Variants in NAT8L observed in about 807,000 individuals in gnomAD.
NAT8L encodes N-acetylaspartate synthetase.
Under a neutral mutation model 21.2 loss-of-function variants are expected in NAT8L, and 6 were observed. The observed-to-expected ratio is 0.28, with a 90% CI of 0.16 to 0.56. The LOEUF (loss-of-function observed/expected upper bound fraction) is 0.56. Ranked by LOEUF, NAT8L falls within the 20% of genes least tolerant of loss-of-function variation. NAT8L has a pLI of 0.93. For synonymous variants in NAT8L, 239 were observed against 204.9 expected, an observed-to-expected ratio of 1.17 and a Z score of -1.42; for missense variants, 331 against 433.3, an observed-to-expected ratio of 0.76 and a Z score of 2.10.
chr4:2,067,539 C>A lies in NAT8L; in HGVS notation c.*3412C>A, dbSNP rs1274472367. The A allele has an allele frequency of 1.3e-5, 2 of 152,340 alleles. No homozygotes were observed. 9.4% of individuals were successfully genotyped at this position (152,340 alleles called of 1,614,324 possible). A position where few individuals can be genotyped will look rare whatever the true frequency, so the allele number is the denominator to read the frequency against. ...GCAGGTGCTGGGGAAGCTCTCTGGG[C>A]CATAGGGACCTGGCTCCCCTCTGAG... On this transcript the variant is annotated 3_prime_UTR_variant, in exon 3 of 3. Coordinates refer to ENST00000423729, the MANE Select transcript of NAT8L (RefSeq NM_178557.4).
In NAT8L at chr4:2,064,188, CCGCCCGG is replaced by C. The variant is rs2108681094; in HGVS notation, c.*65_*71del. On this transcript the variant is annotated 3_prime_UTR_variant, in exon 3 of 3. Transcript: ENST00000423729. ...CTGTCCGCCTTTGCCCGCCTGCCCG[CCGCCCGG>C]CGCGGCCTGCTTTCAGACGCTCAAT... is the stretch of plus-strand genomic sequence containing the variant. 9 of 1,140,528 alleles carry C rather than the reference CCGCCCGG, an allele frequency of 7.9e-6. 1 individual carries two copies. The highest frequency in any genetic ancestry group is 4.8e-5 in the Admixed American group (1 of 20,692). The allele number at this position is 1,140,528 out of a possible 1,614,324, so 70.7% of individuals were successfully genotyped here.
Position 2,064,237 on chromosome 4 carries a change from T to A in NAT8L, c.*110T>A. ...ACGCTCAATTGGCGTTTGTGTTGGG[T>A]TTCCCCTTTTCAACATCCTGCGGTT... On this transcript the variant is annotated 3_prime_UTR_variant, in exon 3 of 3. Transcript: ENST00000423729. 1.3e-6 allele frequency: 1 copy of A among 751,132 alleles called. No individual in the cohort carries two copies. Among genetic ancestry groups the A allele is most frequent in the Non-Finnish European group, 1.7e-6 (1 of 577,566 alleles). The allele number at this position is 751,132 out of a possible 1,614,324, so 46.5% of individuals were successfully genotyped here.
chr4:2,061,467 G>C (rs1459568812), intron 2 of NAT8L, among the ~76,000 whole-genome samples: 3 of 152,240 alleles, frequency 2.0e-5, no homozygotes, highest in Non-Finnish European at 4.4e-5. Flanking sequence ...GGGCTCTGTG[G>C]GTCCCATCTG....
Position 2,065,946 on chromosome 4 carries a change from T to TTTGGG in NAT8L, c.*1822_*1826dup, listed in dbSNP as rs1729989660. 1 of 152,598 alleles carries TTTGGG rather than the reference T, an allele frequency of 6.6e-6. No homozygotes were observed. The highest frequency in any genetic ancestry group is 6.6e-5 in the Admixed American group (1 of 15,266). 9.5% of individuals were successfully genotyped at this position (152,598 alleles called of 1,614,324 possible). On this transcript the variant is annotated 3_prime_UTR_variant, in exon 3 of 3. Transcript: ENST00000423729. ...GTGCCTTTTTCCTCTTTTGGTTTGG[T>TTTGGG]TTGGGTTTGGCCTGGGGCTGGTCCC...
rs146628504 is a variant in NAT8L at position 2,063,782 on chromosome 4, G to A, written c.564G>A (p.Val188=). ...CAGGCTCCTGCTTCTGGGTGGCCGTGCTGGATGGCAACGTGGTGGGCATTG... is the reference window on the plus strand; with the variant it reads ...CAGGCTCCTGCTTCTGGGTGGCCGTACTGGATGGCAACGTGGTGGGCATTG... ...KPPGSCFWVA[V]LDGNVVGIVA... is the part of the protein sequence containing the mutation. Residue 188 remains valine (V), a synonymous_variant, in exon 3 of 3, where the codon GTG becomes GTA. Coordinates refer to ENST00000423729, the MANE Select transcript of NAT8L (RefSeq NM_178557.4). 1.4e-5 allele frequency: 23 copies of A among 1,611,866 alleles called. No homozygotes were observed. The highest frequency in any genetic ancestry group is 1.7e-5 in the Non-Finnish European group (20 of 1,179,946).
chr4:2,063,838 C>A lies in NAT8L; in HGVS notation c.620C>A (p.Thr207Lys), dbSNP rs747722804. 1 of 1,612,386 alleles carries A rather than the reference C, an allele frequency of 6.2e-7. No homozygotes were observed. Among genetic ancestry groups the A allele is most frequent in the Non-Finnish European group, 8.5e-7 (1 of 1,179,958 alleles). Residue 207 changes from threonine to lysine, a missense_variant, in exon 3 of 3, where the codon ACG (threonine) becomes AAG (lysine). Coordinates refer to ENST00000423729, the MANE Select transcript of NAT8L (RefSeq NM_178557.4). Reference sequence around the variant, plus strand: ...GCACGGGCCCACGAGGAGGACAACACGGTGGAGCTGCTGCGGATGTCTGTG... The same window carrying A: ...GCACGGGCCCACGAGGAGGACAACAAGGTGGAGCTGCTGCGGATGTCTGTG... ...VAARAHEEDN[T>K]VELLRMSVDS...
chr4:2,062,133 C>T (rs1380706572), intron 2 of NAT8L, among the ~76,000 whole-genome samples: 1 of 152,198 alleles, frequency 6.6e-6, no homozygotes, highest in African/African-American at 2.4e-5. Flanking sequence ...GGGCATGGCC[C>T]TGCTCCCTCT....
Position 2,059,941 on chromosome 4 carries a change from C to T in NAT8L, c.376+54C>T. Reference sequence around the variant, plus strand: ...AGTCCCTCGGGCCGGCGCGGAGCTCCCCCGCCCCGGCGTCCACGCGGACCC... The same window carrying T: ...AGTCCCTCGGGCCGGCGCGGAGCTCTCCCGCCCCGGCGTCCACGCGGACCC... On this transcript the variant is annotated intron_variant, in intron 1 of 2. Transcript: ENST00000423729. This position sits in a 1 kb window ranked among gnomAD's most constrained non-coding sequence, Gnocchi z 4.8. 1 of 1,054,708 alleles carries T rather than the reference C, an allele frequency of 9.5e-7. No homozygotes were observed. The highest frequency in any genetic ancestry group is 1.2e-6 in the Non-Finnish European group (1 of 852,646). The allele number at this position is 1,054,708 out of a possible 1,614,324, so 65.3% of individuals were successfully genotyped here.
chr4:2,068,873 G>A lies in NAT8L; in HGVS notation c.*4746G>A, dbSNP rs1730062813. On this transcript the variant is annotated 3_prime_UTR_variant, in exon 3 of 3. Transcript: ENST00000423729. ...GAGGCCAGGCTTGGGGAGCACAGGGGGTGGGGTTCACCTGCTGCTGTTTGT... is the reference window on the plus strand; with the variant it reads ...GAGGCCAGGCTTGGGGAGCACAGGGAGTGGGGTTCACCTGCTGCTGTTTGT... 6.6e-6 allele frequency: 1 copy of A among 152,350 alleles called. No homozygotes were observed. Among genetic ancestry groups the A allele is most frequent in the African/African-American group, 2.4e-5 (1 of 41,416 alleles). 9.4% of individuals were successfully genotyped at this position (152,350 alleles called of 1,614,324 possible).
chr4:2,059,946 C>T lies in NAT8L; in HGVS notation c.376+59C>T, dbSNP rs1340070324. ...CTCGGGCCGGCGCGGAGCTCCCCCG[C>T]CCCGGCGTCCACGCGGACCCCGCGC... On this transcript the variant is annotated intron_variant, in intron 1 of 2. Coordinates refer to ENST00000423729, the MANE Select transcript of NAT8L (RefSeq NM_178557.4). This position sits in a 1 kb window ranked among gnomAD's most constrained non-coding sequence, Gnocchi z 4.8. 4 of 1,023,674 alleles carry T rather than the reference C, an allele frequency of 3.9e-6. No individual in the cohort carries two copies. Among genetic ancestry groups the T allele is most frequent in the East Asian group, 9.2e-5 (2 of 21,846 alleles). 63.4% of individuals were successfully genotyped at this position (1,023,674 alleles called of 1,614,324 possible).
chr4:2,059,698 C>A lies in NAT8L; in HGVS notation c.187C>A (p.Pro63Thr). 3 of 1,076,584 alleles carry A rather than the reference C, an allele frequency of 2.8e-6. No homozygotes were observed. Among genetic ancestry groups the A allele is most frequent in the Non-Finnish European group, 3.4e-6 (3 of 892,168 alleles). 66.7% of individuals were successfully genotyped at this position (1,076,584 alleles called of 1,614,324 possible). A position where few individuals can be genotyped will look rare whatever the true frequency, so the allele number is the denominator to read the frequency against. Residue 63 changes from proline (P) to threonine (T), a missense_variant, in exon 1 of 3, where the codon CCT (proline) becomes ACT (threonine). Around this residue, in one of 2 missense-constraint regions of NAT8L, gnomAD observed 199 missense variants for 196.1 expected, o/e 1.01. Transcript: ENST00000423729. This position sits in a 1 kb window ranked among gnomAD's most constrained non-coding sequence, Gnocchi z 4.8. ...GCCCCCACCTGCCCCGGTGGCTCAGCCTCACGGCGGGGCGGGGGGCGCGGG... is the reference window on the plus strand; with the variant it reads ...GCCCCCACCTGCCCCGGTGGCTCAGACTCACGGCGGGGCGGGGGGCGCGGG... ...PAPPPAPVAQ[P>T]HGGAGGAGPP... is the part of the protein sequence containing the mutation.
In NAT8L at chr4:2,060,035, C is replaced by A. The variant is rs1229555583; in HGVS notation, c.376+148C>A. On this transcript the variant is annotated intron_variant, in intron 1 of 2. Transcript: ENST00000423729. The surrounding 1 kb of genome is among the most constrained non-coding windows in gnomAD (Gnocchi z 4.7). ...CTGCCGCGCCGGGCCCCGCGCAGGG[C>A]TGGCTATGGGCGTGGGGATGGGCGC... 2 of 379,106 alleles carry A rather than the reference C, an allele frequency of 5.3e-6. No individual in the cohort carries two copies. The highest frequency in any genetic ancestry group is 8.0e-6 in the Non-Finnish European group (2 of 251,338). 23.5% of individuals were successfully genotyped at this position (379,106 alleles called of 1,614,324 possible).
Position 2,060,935 on chromosome 4 carries a change from G to A in NAT8L, c.377-63G>A. On this transcript the variant is annotated intron_variant, in intron 1 of 2. Coordinates refer to ENST00000423729, the MANE Select transcript of NAT8L (RefSeq NM_178557.4). This position sits in a 1 kb window ranked among gnomAD's most constrained non-coding sequence, Gnocchi z 4.7. ...GCGGCGTCCCTAGCGGGCTTCGCCG[G>A]GGTGGCGTCTCTGGGGCCTGGGGAC... is the stretch of plus-strand genomic sequence containing the variant. 3.2e-6 allele frequency: 3 copies of A among 925,858 alleles called. No homozygotes were observed. Among genetic ancestry groups the A allele is most frequent in the Non-Finnish European group, 1.6e-6 (1 of 639,782 alleles). The allele number at this position is 925,858 out of a possible 1,614,324, so 57.4% of individuals were successfully genotyped here. A position where few individuals can be genotyped will look rare whatever the true frequency, so the allele number is the denominator to read the frequency against.
Position 2,059,834 on chromosome 4 carries a change from T to C in NAT8L, c.323T>C (p.Phe108Ser). The C allele has an allele frequency of 7.2e-7, 1 of 1,388,222 alleles. No homozygotes were observed. Among genetic ancestry groups the C allele is most frequent in the Non-Finnish European group, 9.4e-7 (1 of 1,061,170 alleles). 86.0% of individuals were successfully genotyped at this position (1,388,222 alleles called of 1,614,324 possible). ...ATGGAGCGCATCCCTAACACGGCCTTCCGCGGCCTGCGGCAGCACCCGCGC... is the reference window on the plus strand; with the variant it reads ...ATGGAGCGCATCCCTAACACGGCCTCCCGCGGCCTGCGGCAGCACCCGCGC... ...GIMERIPNTA[F>S]RGLRQHPRAQ... Residue 108 changes from phenylalanine (F) to serine (S), a missense_variant, in exon 1 of 3, where the codon TTC (phenylalanine) becomes TCC (serine). Transcript: ENST00000423729. This position sits in a 1 kb window ranked among gnomAD's most constrained non-coding sequence, Gnocchi z 4.8.
chr4:2,063,821 C>A lies in NAT8L; in HGVS notation c.603C>A (p.Ala201=). The A allele has an allele frequency of 6.2e-7, 1 of 1,612,372 alleles. No individual in the cohort carries two copies. Among genetic ancestry groups the A allele is most frequent in the Non-Finnish European group, 8.5e-7 (1 of 1,179,964 alleles). ...TGGTGGGCATTGTGGCTGCACGGGC[C>A]CACGAGGAGGACAACACGGTGGAGC... The part of the protein sequence containing the change: ...GNVVGIVAAR[A]HEEDNTVELL... Residue 201 remains alanine (A), a synonymous_variant, in exon 3 of 3, where the codon GCC becomes GCA. Transcript: ENST00000423729.
rs1028284761 is a variant in NAT8L at position 2,059,902 on chromosome 4, C to A, written c.376+15C>A. The A allele has an allele frequency of 2.5e-4, 311 of 1,258,056 alleles. 1 individual carries two copies. In the African/African-American group the frequency reaches 4.6e-3, roughly 18 times the overall value. 77.9% of individuals were successfully genotyped at this position (1,258,056 alleles called of 1,614,324 possible). ...CCTGCTGGCGGGTCAGTGCGCCGGGCCCCCGGCTGCCGCAGTCCCTCGGGC... is the reference window on the plus strand; with the variant it reads ...CCTGCTGGCGGGTCAGTGCGCCGGGACCCCGGCTGCCGCAGTCCCTCGGGC... On this transcript the variant is annotated intron_variant, in intron 1 of 2. Coordinates refer to ENST00000423729, the MANE Select transcript of NAT8L (RefSeq NM_178557.4). This position sits in a 1 kb window ranked among gnomAD's most constrained non-coding sequence, Gnocchi z 4.8.
rs1291022371 is a variant in NAT8L at position 2,068,789 on chromosome 4, GC to G, written c.*4666del. On this transcript the variant is annotated 3_prime_UTR_variant, in exon 3 of 3. Coordinates refer to ENST00000423729, the MANE Select transcript of NAT8L (RefSeq NM_178557.4). ...GGGCTGAGCCTCCCTGGCCCCTCTT[GC>G]CCCTCAGTGGAGCAGGGCCTGGGTG... 6.6e-6 allele frequency: 1 copy of G among 152,180 alleles called. No homozygotes were observed. Among genetic ancestry groups the G allele is most frequent in the African/African-American group, 2.4e-5 (1 of 41,428 alleles). The allele number at this position is 152,180 out of a possible 1,614,324, so 9.4% of individuals were successfully genotyped here. A position where few individuals can be genotyped will look rare whatever the true frequency, so the allele number is the denominator to read the frequency against.
chr4:2,063,490 G>A (rs1172320736), intron 2 of NAT8L, among the ~76,000 whole-genome samples: 1 of 152,274 alleles, frequency 6.6e-6, no homozygotes, highest in Non-Finnish European at 1.5e-5. Flanking sequence ...CTGTTGGCCT[G>A]TTGGGTAACA....
At position 2,060,788 on chromosome 4, in the gene NAT8L, G is replaced by A. The variant is rs1045331071; in HGVS notation, c.377-210G>A. On this transcript the variant is annotated intron_variant, in intron 1 of 2. Coordinates refer to ENST00000423729, the MANE Select transcript of NAT8L (RefSeq NM_178557.4). This position sits in a 1 kb window ranked among gnomAD's most constrained non-coding sequence, Gnocchi z 4.7. ...GTTTGGAAGCTCAGAGACCCGCCGA[G>A]GCTCATTCCAGGCGGTGGGGGTGGG... Among the ~76,000 whole-genome samples the A allele has an allele frequency of 6.6e-6, 1 of 152,184 alleles. No individual in the cohort carries two copies. Among genetic ancestry groups the A allele is most frequent in the Non-Finnish European group, 1.5e-5 (1 of 68,012 alleles).
Sources: gnomAD v4.1 joint callset for allele counts (sites outside exome capture counted in the v4.1 genomes callset) on GRCh38, gnomAD v4.1.1 for gene constraint, gnomAD v4.1.1 regional missense constraint, Gnocchi (gnomAD v3.1) non-coding constraint, MANE v1.5 for transcripts, NCBI Gene and HGNC (gene_info 2026-07-23, HGNC 2026-07-21) for gene names.